The following OSBPL10 variants were observed in gnomAD, a reference collection of about 807,000 sequenced individuals.
The protein encoded by OSBPL10 is oxysterol-binding protein-related protein 10.
Under a neutral mutation model 81.7 loss-of-function variants are expected in OSBPL10, and 49 were observed. The observed-to-expected ratio is 0.60, with a 90% confidence interval of 0.48 to 0.76. OSBPL10 has a LOEUF of 0.76. Among genes scored for constraint, OSBPL10 ranks in the 30% least tolerant of loss-of-function variants. The pLI, the probability that OSBPL10 is intolerant of heterozygous loss-of-function variation, is 0.00. For synonymous variants in OSBPL10, 419 were observed against 383.6 expected, an observed-to-expected ratio of 1.09 and a Z score of -1.08; for missense variants, 923 against 987.8, an observed-to-expected ratio of 0.93 and a Z score of 0.88.
At chr3:31,725,763 G>T (rs575060255) in intron 6 of OSBPL10, among the ~76,000 whole-genome samples, 1 of 152,208 alleles carries the variant, frequency 6.6e-6, no homozygotes, top group Non-Finnish European at 1.5e-5. Context: ...AAGCCACAGG[G>T]AAGAGCACAG....
chr3:31,810,312 A>T (rs919434701), intron 4 of OSBPL10, among the ~76,000 whole-genome samples: 2 of 152,228 alleles, frequency 1.3e-5, no homozygotes, highest in Non-Finnish European at 2.9e-5. Flanking sequence ...CTGTAAACTT[A>T]AAAATGAGTG....
chr3:31,968,458 C>G (rs574482784), intron 1 of OSBPL10, among the ~76,000 whole-genome samples: 3 of 151,240 alleles, frequency 2.0e-5, no homozygotes, highest in African/African-American at 7.3e-5. Context: ...ACATGAATCA[C>G]TGCAATTTAG....
At chr3:31,940,808 A>G (rs1697513653) in intron 1 of OSBPL10, among the ~76,000 whole-genome samples, 1 of 151,898 alleles carries the variant, frequency 6.6e-6, no homozygotes, top group Non-Finnish European at 1.5e-5. Flanking sequence ...CCCAAACTAG[A>G]TTTGTATTTT....
intron 4 of OSBPL10, among the ~76,000 whole-genome samples, chr3:31,820,576 C>G (rs1471381198): frequency 6.6e-6 from 1 of 151,094 alleles, no homozygotes; most frequent in African/African-American, 2.4e-5. Context: ...GCCTGGGAGG[C>G]AGAGCGAGAC....
At chr3:32,009,255 C>T (rs1237223822) in intron 2 of OSBPL10, among the ~76,000 whole-genome samples, 4 of 152,226 alleles carry the variant, frequency 2.6e-5, no homozygotes, top group Non-Finnish European at 5.9e-5. Context: ...TGTCCTCTTT[C>T]ACCACCTGTT....
intron 7 of OSBPL10, among the ~76,000 whole-genome samples, chr3:31,689,980 G>A (rs540667914): frequency 1.3e-5 from 2 of 152,356 alleles, no homozygotes; most frequent in African/African-American, 4.8e-5. Context: ...AAGGAGGAAG[G>A]TGGGAGGAGG....
At chr3:31,886,065 G>A (rs905483138) in intron 1 of OSBPL10, among the ~76,000 whole-genome samples, 4 of 151,304 alleles carry the variant, frequency 2.6e-5, no homozygotes, top group African/African-American at 9.7e-5. Context: ...GCTGCAGTGG[G>A]AAACAGCTCA....
chr3:31,873,020 A>G (rs1339552121), intron 3 of OSBPL10, among the ~76,000 whole-genome samples: 1 of 152,202 alleles, frequency 6.6e-6, no homozygotes, highest in Non-Finnish European at 1.5e-5. Flanking sequence ...TAAATAGGAA[A>G]CCAATCAGCA....
chr3:31,763,622 A>G (rs1452104506), intron 4 of OSBPL10, among the ~76,000 whole-genome samples: 2 of 152,244 alleles, frequency 1.3e-5, no homozygotes, highest in Non-Finnish European at 2.9e-5. Flanking sequence ...AACACCTGCC[A>G]TTCCCTTTTA....
At chr3:32,029,544 C>T (rs1699448081) in intron 2 of OSBPL10, among the ~76,000 whole-genome samples, 1 of 152,122 alleles carries the variant, frequency 6.6e-6, no homozygotes, top group Admixed American at 6.5e-5. Context: ...CGGATATGTT[C>T]TGCCGGTAAC....
At chr3:32,065,203 GACACTTGAAGAGTCTTT>G (rs1699769160) in intron 1 of OSBPL10, 1 of 93,058 alleles carries the variant, frequency 1.1e-5, no homozygotes, top group South Asian at 4.2e-4. Context: ...GGTATAAAAT[GACACTTGAAGAGTCTTT>G]TACCAAAAAG....
At chr3:31,924,807 T>A (rs74794607) in intron 1 of OSBPL10, among the ~76,000 whole-genome samples, 10,215 of 152,122 alleles carry the variant, frequency 0.067, 458 homozygotes, top group East Asian at 0.18. Context: ...TAACTGTGGC[T>A]GTGTTCCAAT....
intron 10 of OSBPL10, 59 bp from the exon 11 acceptor site, chr3:31,664,291 G>C: frequency 1.3e-6 from 2 of 1,579,654 alleles, no homozygotes; most frequent in South Asian, 1.1e-5. Flanking sequence ...CAAGCTAACG[G>C]AACTCTGCCA....
At chr3:31,830,496 C>G (rs935189724) in intron 3 of OSBPL10, among the ~76,000 whole-genome samples, 3 of 152,076 alleles carry the variant, frequency 2.0e-5, no homozygotes, top group African/African-American at 7.2e-5. Flanking sequence ...AAATCCTGCC[C>G]CCCACCGTCC....
intron 2 of OSBPL10, among the ~76,000 whole-genome samples, chr3:32,012,751 T>C (rs1209469974): frequency 1.3e-5 from 2 of 152,070 alleles, no homozygotes; most frequent in African/African-American, 2.4e-5. Context: ...GAGAAAGATC[T>C]ACCAAGCAAA....
chr3:31,836,538 C>G lies in OSBPL10; in HGVS notation c.538-6307G>C, dbSNP rs1700360982. On this transcript the variant is annotated intron_variant, in intron 3 of 11. Coordinates refer to ENST00000396556, the MANE Select transcript of OSBPL10 (RefSeq NM_017784.5). ...CCTCCCATCCACCAATCATCTAACC[C>G]CCCTCCTCTACCCCCCTGCCAATAA... Among the ~76,000 whole-genome samples, 4 of 139,900 alleles carry G rather than the reference C, an allele frequency of 2.9e-5. No individual in the cohort carries two copies. In the Admixed American group the frequency reaches 2.9e-4, roughly 10 times the overall value. 91.8% of individuals were successfully genotyped at this position (139,900 alleles called of 152,430 possible).
intron 2 of OSBPL10, chr3:31,989,131 G>C (rs768716182): frequency 1.2e-6 from 2 of 1,614,130 alleles, no homozygotes; most frequent in Non-Finnish European, 1.7e-6. Context: ...GCCAGGCATG[G>C]CTCTTCCTCA....
intron 1 of OSBPL10, among the ~76,000 whole-genome samples, chr3:31,912,223 G>A (rs950178233): frequency 1.3e-4 from 20 of 151,798 alleles, no homozygotes; most frequent in Non-Finnish European, 2.6e-4. Context: ...GTGAAACTCC[G>A]TCTCTATTAA....
chr3:31,773,957 T>C (rs572289285), intron 4 of OSBPL10, among the ~76,000 whole-genome samples: 1 of 151,290 alleles, frequency 6.6e-6, no homozygotes, highest in South Asian at 2.1e-4. Context: ...AGGTCAGGAG[T>C]TCGAGACCAG....
Sources: gnomAD v4.1 joint callset for allele counts (sites outside exome capture counted in the v4.1 genomes callset) on GRCh38, gnomAD v4.1.1 for gene constraint, MANE v1.5 for transcripts, NCBI Gene and HGNC (gene_info 2026-07-23, HGNC 2026-07-21) for gene names.